INA: variants seen among roughly 807,000 people sequenced by gnomAD.
INA encodes the protein internexin neuronal intermediate filament protein alpha.
INA carries 35 observed loss-of-function variants against 40.1 expected under a neutral mutation model. The observed-to-expected ratio is 0.87, with a 90% confidence interval of 0.67 to 1.16. The LOEUF (loss-of-function observed/expected upper bound fraction) is 1.16, where lower values mean the gene tolerates loss of function less well. INA is among the 50% of genes most tolerant of loss of function. The probability of loss-of-function intolerance (pLI) is 0.00; values close to 1 mark genes in which losing one functional copy is unlikely to be tolerated. For missense variants in INA, 594 were observed against 686.7 expected (o/e 0.87, Z 1.51); for synonymous variants, 290 against 316.9 (o/e 0.92, Z 0.90).
At position 103,278,265 on chromosome 10, in the gene INA, G is replaced by A; in HGVS notation, c.1054G>A (p.Ala352Thr). Residue 352 changes from alanine (A) to threonine (T), a missense_variant, in exon 1 of 3, where the codon GCT (alanine) becomes ACT (threonine). Ala to Thr is a moderately conservative substitution (Grantham distance 58, BLOSUM62 0). Transcript: ENST00000369849. The surrounding 1 kb of genome is among the most constrained non-coding windows in gnomAD (Gnocchi z 4.9). ...ELEERHSAEVAGYQDSIGQLE... is the reference protein window; with the variant it reads ...ELEERHSAEVTGYQDSIGQLE... ...GGAGGAGCGGCACAGTGCCGAGGTA[G>A]CTGGCTACCAGGTAAGGGCCGGGGC... 1.9e-6 allele frequency: 3 copies of A among 1,557,214 alleles called. No homozygotes were observed. Among genetic ancestry groups the A allele is most frequent in the Non-Finnish European group, 2.6e-6 (3 of 1,150,850 alleles).
chr10:103,278,897 C>T lies in INA; in HGVS notation c.1065+621C>T, dbSNP rs2093066908. ...ACACACACACACACGATTCCCTTGTCCACCAGCACACACACACACACACAC... is the reference window on the plus strand; with the variant it reads ...ACACACACACACACGATTCCCTTGTTCACCAGCACACACACACACACACAC... On this transcript the variant is annotated intron_variant, in intron 1 of 2. Coordinates refer to ENST00000369849, the MANE Select transcript of INA (RefSeq NM_032727.4). The surrounding 1 kb of genome is among the most constrained non-coding windows in gnomAD (Gnocchi z 4.9). Among the ~76,000 whole-genome samples, 2 of 82,882 alleles carry T rather than the reference C, an allele frequency of 2.4e-5. No homozygotes were observed. Among genetic ancestry groups the T allele is most frequent in the Non-Finnish European group, 5.7e-5 (2 of 35,318 alleles). 54.4% of individuals were successfully genotyped at this position (82,882 alleles called of 152,430 possible). A position where few individuals can be genotyped will look rare whatever the true frequency, so the allele number is the denominator to read the frequency against.
chr10:103,285,649 G>A (rs1336914973), intron 1 of INA, among the ~76,000 whole-genome samples: 6 of 136,248 alleles, frequency 4.4e-5, no homozygotes, highest in East Asian at 2.2e-4. Flanking sequence ...ATGGAGTTTC[G>A]CTCTTGTTGC....
rs1175365788 is a variant in INA at position 103,277,850 on chromosome 10, G to A, written c.639G>A (p.Leu213=). 1.9e-6 allele frequency: 3 copies of A among 1,547,508 alleles called. No homozygotes were observed. Among genetic ancestry groups the A allele is most frequent in the East Asian group, 4.9e-5 (2 of 40,884 alleles). The change falls in exon 1 of 3, where the codon CTG becomes CTA. Residue 213 remains leucine (L), a synonymous_variant. Coordinates refer to ENST00000369849, the MANE Select transcript of INA (RefSeq NM_032727.4). The surrounding 1 kb of genome is among the most constrained non-coding windows in gnomAD (Gnocchi z 5.6). ...GCGCCACGCTGGCCCGCCTGGACCT[G>A]GAGAAGAAGGTGGAGTCGCTGCTGG... The part of the protein sequence containing the change: ...VDGATLARLD[L]EKKVESLLDE...
At chr10:103,282,628 A>T (rs2093075059) in intron 1 of INA, among the ~76,000 whole-genome samples, 1 of 152,186 alleles carries the variant, frequency 6.6e-6, no homozygotes, top group Non-Finnish European at 1.5e-5. Flanking sequence ...AATTATTTTT[A>T]AAATTGATTA....
At chr10:103,281,293 GA>G (rs939671473) in intron 1 of INA, among the ~76,000 whole-genome samples, 1 of 151,980 alleles carries the variant, frequency 6.6e-6, no homozygotes, top group Admixed American at 6.6e-5. Context: ...CATCTTTATA[GA>G]AAAAAATTTA....
rs1386491399 is a variant in INA at position 103,290,187 on chromosome 10, A to T, written c.*1518A>T. 1 of 152,670 alleles carries T rather than the reference A, an allele frequency of 6.6e-6. No homozygotes were observed. The highest frequency in any genetic ancestry group is 1.9e-4 in the East Asian group (1 of 5,200). 9.5% of individuals were successfully genotyped at this position (152,670 alleles called of 1,614,324 possible). A position where few individuals can be genotyped will look rare whatever the true frequency, so the allele number is the denominator to read the frequency against. Reference sequence around the variant, plus strand: ...TAAGAGCTCTGGTGATAAGGACATGATGCTTTTACTGAACTTTCTTATCCT... The same window carrying T: ...TAAGAGCTCTGGTGATAAGGACATGTTGCTTTTACTGAACTTTCTTATCCT... On this transcript the variant is annotated 3_prime_UTR_variant, in exon 3 of 3. Transcript: ENST00000369849.
At position 103,278,026 on chromosome 10, in the gene INA, A is replaced by G; in HGVS notation, c.815A>G (p.Tyr272Cys). 1 of 1,611,372 alleles carries G rather than the reference A, an allele frequency of 6.2e-7. No individual in the cohort carries two copies. Among genetic ancestry groups the G allele is most frequent in the Non-Finnish European group, 8.5e-7 (1 of 1,178,960 alleles). Reference protein sequence around the residue: ...TSALREIRAQYESLAAKNLQS... With the variant: ...TSALREIRAQCESLAAKNLQS... The stretch of plus-strand genomic sequence containing the variant: ...GCTCTGAGGGAGATCCGCGCCCAGT[A>G]TGAGTCCCTGGCCGCTAAGAACCTG... Residue 272 changes from tyrosine to cysteine, a missense_variant, in exon 1 of 3, where the codon TAT (tyrosine) becomes TGT (cysteine). By Grantham distance (194) the Tyr-to-Cys change is radical. Coordinates refer to ENST00000369849, the MANE Select transcript of INA (RefSeq NM_032727.4). The surrounding 1 kb of genome is among the most constrained non-coding windows in gnomAD (Gnocchi z 4.9).
Position 103,288,649 on chromosome 10 carries a change from A to G in INA, c.1480A>G (p.Ile494Val). ...GAAATCAAATATAGAAGAAACCACC[A>G]TTTCAAGCCAAAAAATATAATTCCA... ...TEKSNIEETTISSQKI is the reference protein window; with the variant it reads ...TEKSNIEETTVSSQKI The change falls in exon 3 of 3, where the codon ATT becomes GTT. Residue 494 changes from isoleucine (I) to valine (V), a missense_variant. Ile to Val is a conservative substitution (Grantham distance 29). This residue lies in a region of INA where 379 missense variants were observed against 496.1 expected (regional missense o/e 0.76). Transcript: ENST00000369849. 2 of 1,573,316 alleles carry G rather than the reference A, an allele frequency of 1.3e-6. No homozygotes were observed. The highest frequency in any genetic ancestry group is 1.7e-6 in the Non-Finnish European group (2 of 1,163,524).
chr10:103,281,202 T>C (rs2093071724), intron 1 of INA, among the ~76,000 whole-genome samples: 2 of 152,254 alleles, frequency 1.3e-5, no homozygotes, highest in South Asian at 4.1e-4. Context: ...TTTAAGCTCT[T>C]CCACCTGGTT....
intron 1 of INA, among the ~76,000 whole-genome samples, chr10:103,285,204 G>A (rs893364558): frequency 2.6e-5 from 4 of 152,016 alleles, no homozygotes; most frequent in Admixed American, 6.6e-5. Context: ...GGCTGGTCTC[G>A]AACTCCCAAC....
chr10:103,281,294 A>G (rs2093071899), intron 1 of INA, among the ~76,000 whole-genome samples: 1 of 152,126 alleles, frequency 6.6e-6, no homozygotes, highest in South Asian at 2.1e-4. Context: ...ATCTTTATAG[A>G]AAAAAATTTA....
chr10:103,278,999 A>G lies in INA; in HGVS notation c.1065+723A>G, dbSNP rs546258299. Among the ~76,000 whole-genome samples, 12 of 152,054 alleles carry G rather than the reference A, an allele frequency of 7.9e-5. No individual in the cohort carries two copies. The highest frequency in any genetic ancestry group is 7.7e-4 in the East Asian group (4 of 5,168). ...AGCGTTCGCCGGTTGGCAAAACGTG[A>G]AAGGTCGGGGCGCTGTCCACGGTGC... On this transcript the variant is annotated intron_variant, in intron 1 of 2. Transcript: ENST00000369849. This position sits in a 1 kb window ranked among gnomAD's most constrained non-coding sequence, Gnocchi z 4.9.
intron 1 of INA, chr10:103,281,043 C>A: frequency 2.0e-6 from 1 of 504,022 alleles, no homozygotes; most frequent in Non-Finnish European, 2.6e-6. Context: ...CAAGCCAAGT[C>A]TTCTCTTTTT....
Position 103,278,176 on chromosome 10 carries a change from G to T in INA, c.965G>T (p.Arg322Leu), listed in dbSNP as rs375016033. 3.0e-5 allele frequency: 49 copies of T among 1,610,976 alleles called. 1 individual carries two copies. In the South Asian group the frequency reaches 5.1e-4, roughly 17 times the overall value. Reference sequence around the variant, plus strand: ...GAGTATCGGCGCCAGCTGCAGGCGCGCACCATCGAGATCGAGGGCCTGCGC... The same window carrying T: ...GAGTATCGGCGCCAGCTGCAGGCGCTCACCATCGAGATCGAGGGCCTGCGC... ...IHEYRRQLQA[R>L]TIEIEGLRGA... The change falls in exon 1 of 3, where the codon CGC (arginine) becomes CTC (leucine). Residue 322 changes from arginine to leucine, a missense_variant. By Grantham distance (102) the Arg-to-Leu change is moderately radical (BLOSUM62 -2). This residue lies in a region of INA where 379 missense variants were observed against 496.1 expected (regional missense o/e 0.76). Coordinates refer to ENST00000369849, the MANE Select transcript of INA (RefSeq NM_032727.4). The surrounding 1 kb of genome is among the most constrained non-coding windows in gnomAD (Gnocchi z 4.9).
In INA at chr10:103,277,656, GA is replaced by G; in HGVS notation, c.446del (p.Asp149AlafsTer48). On this transcript the variant is annotated frameshift_variant, in exon 1 of 3. Transcript: ENST00000369849. LOFTEE classifies it high-confidence loss of function. This position sits in a 1 kb window ranked among gnomAD's most constrained non-coding sequence, Gnocchi z 5.6. ...VGELFQRELR[D>X]LRAQLEEASS... ...CGAGCTCTTCCAGCGCGAGCTGCGC[GA>G]CCTGCGCGCGCAGCTGGAGGAGGCC... 2 of 1,389,920 alleles carry G rather than the reference GA, an allele frequency of 1.4e-6. No individual in the cohort carries two copies. The highest frequency in any genetic ancestry group is 1.9e-6 in the Non-Finnish European group (2 of 1,079,630). 86.1% of individuals were successfully genotyped at this position (1,389,920 alleles called of 1,614,324 possible).
chr10:103,286,310 T>A, intron 1 of INA, among the ~76,000 whole-genome samples: 1 of 117,312 alleles, frequency 8.5e-6, no homozygotes, highest in Non-Finnish European at 1.6e-5. Flanking sequence ...TACTCCAGCC[T>A]AGGCAACAGA....
intron 1 of INA, among the ~76,000 whole-genome samples, chr10:103,285,141 G>A (rs907741634): frequency 7.3e-5 from 11 of 151,132 alleles, no homozygotes; most frequent in African/African-American, 1.2e-4. Context: ...GCACCACCAC[G>A]CCCGGCTAAT....
intron 2 of INA, 78 bp downstream of exon 2, chr10:103,287,237 CT>C: frequency 6.7e-7 from 1 of 1,486,054 alleles, no homozygotes; most frequent in Non-Finnish European, 9.1e-7. Context: ...GATCTAGTCT[CT>C]CTGGCTTCTG....
intron 1 of INA, among the ~76,000 whole-genome samples, chr10:103,285,607 T>C (rs1481424102): frequency 2.6e-5 from 4 of 151,118 alleles, no homozygotes; most frequent in Non-Finnish European, 5.9e-5. Context: ...GAGAGGACAT[T>C]TGAACTGAAT....
Sources: allele counts gnomAD v4.1 joint callset (sites outside exome capture counted in the v4.1 genomes callset), GRCh38; gene constraint gnomAD v4.1.1; regional missense constraint gnomAD v4.1.1; non-coding constraint Gnocchi (gnomAD v3.1); transcripts MANE v1.5; gene names NCBI Gene and HGNC (gene_info 2026-07-23, HGNC 2026-07-21).